TNS3: variants seen among roughly 807,000 people sequenced by gnomAD.
TNS3 encodes tensin 3.
A neutral mutation model predicts 140.9 loss-of-function variants in TNS3; 45 were observed. That is an observed-to-expected ratio of 0.32 (90% CI 0.25 to 0.41). TNS3 has a LOEUF of 0.41. TNS3 is among the 10% of genes least tolerant of loss of function. The probability of loss-of-function intolerance (pLI) is 1.00; values close to 1 mark genes in which losing one functional copy is unlikely to be tolerated. For missense variants in TNS3, 1,716 were observed against 1,906.7 expected (o/e 0.90, Z 1.86); for synonymous variants, 815 against 788.4 (o/e 1.03, Z -0.56).
At chr7:47,384,123 A>G (rs1791936010) in intron 16 of TNS3, among the ~76,000 whole-genome samples, 1 of 152,108 alleles carries the variant, frequency 6.6e-6, no homozygotes, top group Non-Finnish European at 1.5e-5. Flanking sequence ...CTCCTCTCCC[A>G]ACTTTCTTTC....
chr7:47,547,543 A>C (rs1289757260), intron 1 of TNS3, among the ~76,000 whole-genome samples: 3 of 152,124 alleles, frequency 2.0e-5, no homozygotes, highest in African/African-American at 7.2e-5. Context: ...AGTCACCAGC[A>C]CAAGGTACTG....
intron 13 of TNS3, among the ~76,000 whole-genome samples, chr7:47,411,058 T>C (rs973360921): frequency 6.6e-6 from 1 of 152,214 alleles, no homozygotes; most frequent in African/African-American, 2.4e-5. Context: ...ACATAAATAT[T>C]CTATTTCTGC....
intron 20 of TNS3, among the ~76,000 whole-genome samples, chr7:47,309,318 A>G (rs1253766617): frequency 1.3e-5 from 2 of 152,192 alleles, no homozygotes; most frequent in Non-Finnish European, 2.9e-5. Context: ...TAACTTATCA[A>G]TTATTCAATA....
At chr7:47,456,280 T>C (rs761776080) in intron 4 of TNS3, among the ~76,000 whole-genome samples, 2 of 151,926 alleles carry the variant, frequency 1.3e-5, no homozygotes, top group Admixed American at 6.6e-5. Flanking sequence ...AGGTCGGAGG[T>C]TGAAATCAGC....
chr7:47,323,552 G>T (rs1221146696), intron 20 of TNS3, among the ~76,000 whole-genome samples: 1 of 152,196 alleles, frequency 6.6e-6, no homozygotes, highest in African/African-American at 2.4e-5. Flanking sequence ...GTCAAAGTAA[G>T]GGTAAATATA....
At chr7:47,326,174 T>C (rs1303458164) in intron 20 of TNS3, among the ~76,000 whole-genome samples, 2 of 152,236 alleles carry the variant, frequency 1.3e-5, no homozygotes, top group Non-Finnish European at 2.9e-5. Context: ...TACAGCTCCC[T>C]TTCTCTGAGT....
At chr7:47,451,752 C>T (rs1307846755) in intron 4 of TNS3, among the ~76,000 whole-genome samples, 1 of 152,198 alleles carries the variant, frequency 6.6e-6, no homozygotes, top group African/African-American at 2.4e-5. Flanking sequence ...GTTTTTGTTT[C>T]ACCAAGCAAA....
chr7:47,557,611 G>A (rs993376767), intron 1 of TNS3, among the ~76,000 whole-genome samples: 1 of 152,194 alleles, frequency 6.6e-6, no homozygotes, highest in Non-Finnish European at 1.5e-5. Flanking sequence ...GCAACTGGCA[G>A]AATACTCTCT....
At chr7:47,382,288 T>G (rs534728137) in intron 16 of TNS3, among the ~76,000 whole-genome samples, 46 of 152,356 alleles carry the variant, frequency 3.0e-4, no homozygotes, top group African/African-American at 1.1e-3. Context: ...ATTTTCTTCA[T>G]GTGGATGACA....
intron 4 of TNS3, 138 bp from the exon 5 acceptor site, chr7:47,442,193 C>T: frequency 4.7e-6 from 2 of 423,536 alleles, no homozygotes; most frequent in South Asian, 4.1e-5. Context: ...ACTACAAGCC[C>T]ACCTTATCAC....
Position 47,369,127 on chromosome 7 carries a change from G to A in TNS3, c.1519C>T (p.Leu507=). Residue 507 remains leucine, a synonymous_variant, in exon 17 of 31, where the codon CTG becomes TTG. Transcript: ENST00000311160. The part of the protein sequence containing the change: ...SSSEGPQSAH[L]GPFTCHKSSQ... ...CTCTTGTGGCAGGTGAAGGGACCCA[G>A]GTGGGCCGACTGAGGCCCTTCCGAG... 6.2e-7 allele frequency: 1 copy of A among 1,613,892 alleles called. No individual in the cohort carries two copies. The highest frequency in any genetic ancestry group is 8.5e-7 in the Non-Finnish European group (1 of 1,180,028).
chr7:47,455,842 G>A lies in TNS3; in HGVS notation c.-75-13787C>T, dbSNP rs137863970. 1.7e-3 allele frequency among the ~76,000 whole-genome samples: 260 copies of A among 152,298 alleles called. 1 individual carries two copies. Among genetic ancestry groups the A allele is most frequent in the African/African-American group, 5.6e-3 (234 of 41,560 alleles). ...AGAAAGCATCTGATACAAAGTGGGCGCCTGTGGCAGAGGTGGGGCAGGAGG... is the reference window on the plus strand; with the variant it reads ...AGAAAGCATCTGATACAAAGTGGGCACCTGTGGCAGAGGTGGGGCAGGAGG... On this transcript the variant is annotated intron_variant, in intron 4 of 30. Transcript: ENST00000311160.
intron 1 of TNS3, among the ~76,000 whole-genome samples, chr7:47,581,144 G>C (rs981874579): frequency 6.6e-6 from 1 of 151,988 alleles, no homozygotes; most frequent in East Asian, 1.9e-4. Flanking sequence ...TCCCGCCACA[G>C]ACACTCAAAT....
chr7:47,354,470 G>T (rs1346892272), intron 17 of TNS3, among the ~76,000 whole-genome samples: 1 of 152,130 alleles, frequency 6.6e-6, no homozygotes, highest in Non-Finnish European at 1.5e-5. Context: ...CTGGGGTGGG[G>T]CAGGGGGGCA....
chr7:47,443,827 A>G (rs1023607755), intron 4 of TNS3, among the ~76,000 whole-genome samples: 2 of 152,186 alleles, frequency 1.3e-5, no homozygotes, highest in Non-Finnish European at 2.9e-5. Flanking sequence ...AGGCTGAGGC[A>G]CAAGAATCAC....
chr7:47,380,379 C>T (rs1298165090), intron 16 of TNS3, among the ~76,000 whole-genome samples: 2 of 152,194 alleles, frequency 1.3e-5, no homozygotes, highest in Non-Finnish European at 2.9e-5. Flanking sequence ...GTCCTGTTGG[C>T]CTTATCTGAG....
intron 4 of TNS3, among the ~76,000 whole-genome samples, chr7:47,472,747 A>C (rs960145237): frequency 6.6e-6 from 1 of 152,148 alleles, no homozygotes; most frequent in Admixed American, 6.5e-5. Flanking sequence ...TAAATCCCGG[A>C]CACTCCTGCT....
chr7:47,417,521 C>T (rs905918117), intron 10 of TNS3, among the ~76,000 whole-genome samples: 1 of 152,184 alleles, frequency 6.6e-6, no homozygotes, highest in African/African-American at 2.4e-5. Context: ...GAGTCTTCTC[C>T]CCAAAACCAG....
chr7:47,504,563 C>T (rs1353782875), intron 3 of TNS3, among the ~76,000 whole-genome samples: 1 of 152,258 alleles, frequency 6.6e-6, no homozygotes, highest in Admixed American at 6.5e-5. Flanking sequence ...AGGCTTCATA[C>T]TTGCCTGAGC....
Sources: allele counts gnomAD v4.1 joint callset (sites outside exome capture counted in the v4.1 genomes callset), GRCh38; gene constraint gnomAD v4.1.1; transcripts MANE v1.5; gene names NCBI Gene and HGNC (gene_info 2026-07-23, HGNC 2026-07-21).